GATA4: variants seen among roughly 807,000 people sequenced by gnomAD.
GATA4 encodes the protein transcription factor GATA-4.
In GATA4, 7 loss-of-function variants were observed where a neutral mutation model predicts 37.9. The observed-to-expected ratio is 0.18, with a 90% CI of 0.11 to 0.35. The LOEUF is 0.35. GATA4 is among the 10% of genes least tolerant of loss of function. The probability of loss-of-function intolerance (pLI) is 1.00; values close to 1 mark genes in which losing one functional copy is unlikely to be tolerated. For synonymous variants in GATA4, 372 were observed against 292.6 expected (o/e 1.27, Z -2.77); for missense variants, 647 against 653.0 (o/e 0.99, Z 0.10).
intron 1 of GATA4, among the ~76,000 whole-genome samples, chr8:11,698,177 G>C: frequency 6.6e-6 from 1 of 152,136 alleles, no homozygotes; most frequent in East Asian, 1.9e-4. Context: ...AGGGTCTGTG[G>C]TCTCTCTCCT....
intron 1 of GATA4, among the ~76,000 whole-genome samples, chr8:11,678,303 T>C (rs1012938675): frequency 6.6e-6 from 1 of 152,156 alleles, no homozygotes; most frequent in African/African-American, 2.4e-5. Context: ...TTACAAATAT[T>C]AGCTTTGTGA....
rs1016816819 is a variant in GATA4 at position 11,756,864 on chromosome 8, G to A, written c.1001-71G>A. 4 of 1,608,602 alleles carry A rather than the reference G, an allele frequency of 2.5e-6. No homozygotes were observed. In the African/African-American group the frequency reaches 4.0e-5, roughly 16 times the overall value. On this transcript the variant is annotated intron_variant, in intron 5 of 6. Transcript: ENST00000532059. ...CCATTAGCTTGCACCCATCCCGGCT[G>A]TCTCGCAGGCTGCCGGCTGTTCGTT...
intron 2 of GATA4, among the ~76,000 whole-genome samples, chr8:11,720,219 C>CT (rs1164220910): frequency 6.6e-6 from 1 of 151,846 alleles, no homozygotes; most frequent in African/African-American, 2.4e-5. Flanking sequence ...CTCTACCGCC[C>CT]TTTGGAGATG....
At chr8:11,742,933 C>T (rs952559595) in intron 2 of GATA4, among the ~76,000 whole-genome samples, 11 of 152,234 alleles carry the variant, frequency 7.2e-5, no homozygotes, top group East Asian at 3.9e-4. Context: ...TCCCAGGGAA[C>T]GGTTTCTGGG....
intron 2 of GATA4, among the ~76,000 whole-genome samples, chr8:11,726,147 C>T (rs567447353): frequency 6.6e-6 from 1 of 152,338 alleles, no homozygotes; most frequent in South Asian, 2.1e-4. Context: ...CGGAATCCAT[C>T]CTGAAGCATT....
chr8:11,755,702 T>C (rs973835625), intron 5 of GATA4, among the ~76,000 whole-genome samples: 4 of 152,160 alleles, frequency 2.6e-5, no homozygotes, highest in Non-Finnish European at 5.9e-5. Context: ...TAGAGGACAA[T>C]GATTTAACGA....
At chr8:11,711,963 G>C (rs960088205) in intron 2 of GATA4, among the ~76,000 whole-genome samples, 3 of 152,066 alleles carry the variant, frequency 2.0e-5, no homozygotes, top group Admixed American at 6.6e-5. Context: ...GTGGTGGGAG[G>C]AGCACAGGGT....
chr8:11,690,020 A>T (rs943012683), upstream of GATA4, among the ~76,000 whole-genome samples: 2 of 152,278 alleles, frequency 1.3e-5, no homozygotes, highest in Non-Finnish European at 2.9e-5. Context: ...CTCTTCTGCA[A>T]AATGAGTGGA....
intron 2 of GATA4, 149 bp from the exon 3 acceptor site, chr8:11,748,767 T>A (rs991699173): frequency 2.3e-6 from 2 of 863,206 alleles, no homozygotes; most frequent in Non-Finnish European, 3.9e-6. Context: ...GAAGTCAGAG[T>A]GAGGAAGAGC....
chr8:11,722,074 C>G (rs1298492442), intron 2 of GATA4, among the ~76,000 whole-genome samples: 1 of 152,168 alleles, frequency 6.6e-6, no homozygotes, highest in Non-Finnish European at 1.5e-5. Context: ...TCTCTAACTC[C>G]TGGGCTTAAG....
At chr8:11,726,158 T>G (rs956780275) in intron 2 of GATA4, among the ~76,000 whole-genome samples, 2 of 152,212 alleles carry the variant, frequency 1.3e-5, no homozygotes, top group African/African-American at 4.8e-5. Flanking sequence ...CTGAAGCATT[T>G]GGCAGCTTTG....
chr8:11,748,329 C>G (rs1055889276), intron 2 of GATA4, among the ~76,000 whole-genome samples: 1 of 152,096 alleles, frequency 6.6e-6, no homozygotes, highest in South Asian at 2.1e-4. Context: ...GGGTTCAAGG[C>G]TGGACTGAGT....
Position 11,709,064 on chromosome 8 carries a change from G to C in GATA4, c.616+136G>C. 1.1e-6 allele frequency: 1 copy of C among 948,184 alleles called. No homozygotes were observed. Among genetic ancestry groups the C allele is most frequent in the Non-Finnish European group, 1.5e-6 (1 of 686,742 alleles). The allele number at this position is 948,184 out of a possible 1,614,324, so 58.7% of individuals were successfully genotyped here. A position where few individuals can be genotyped will look rare whatever the true frequency, so the allele number is the denominator to read the frequency against. On this transcript the variant is annotated intron_variant, in intron 2 of 6. Coordinates refer to ENST00000532059, the MANE Select transcript of GATA4 (RefSeq NM_001308093.3). The surrounding 1 kb of genome is among the most constrained non-coding windows in gnomAD (Gnocchi z 4.3). ...GTGCTTCACTACCTCGAGTTTCTAG[G>C]GAAGGCAGAAGCCAGTGCGGGGCTG... is the stretch of plus-strand genomic sequence containing the variant.
intron 2 of GATA4, among the ~76,000 whole-genome samples, chr8:11,742,153 C>G (rs924503892): frequency 6.6e-6 from 1 of 152,138 alleles, no homozygotes; most frequent in East Asian, 1.9e-4. Context: ...CTTAGACCTC[C>G]AGGGAGGAGC....
intron 2 of GATA4, among the ~76,000 whole-genome samples, chr8:11,711,725 G>A (rs1315219680): frequency 1.4e-5 from 2 of 147,518 alleles, no homozygotes. Context: ...TCCAGCCTGG[G>A]TGACAGAGTG....
intron 1 of GATA4, among the ~76,000 whole-genome samples, chr8:11,685,972 G>A (rs947894308): frequency 2.0e-5 from 3 of 152,240 alleles, no homozygotes; most frequent in Non-Finnish European, 4.4e-5. Flanking sequence ...TTGAAGGCAA[G>A]AGAGCCAAAG....
upstream of GATA4, among the ~76,000 whole-genome samples, chr8:11,687,914 G>C (rs1405582503): frequency 6.6e-6 from 1 of 152,090 alleles, no homozygotes; most frequent in Non-Finnish European, 1.5e-5. Flanking sequence ...ATTTGCCAAA[G>C]GTCACTCCAT....
intron 1 of GATA4, among the ~76,000 whole-genome samples, chr8:11,679,742 G>T (rs1290570766): frequency 2.0e-5 from 3 of 152,226 alleles, no homozygotes; most frequent in Admixed American, 6.5e-5. Context: ...CGAACGGAAA[G>T]TGACATTTTT....
At chr8:11,695,413 A>C (rs545059230) in intron 1 of GATA4, among the ~76,000 whole-genome samples, 1 of 152,164 alleles carries the variant, frequency 6.6e-6, no homozygotes, top group Non-Finnish European at 1.5e-5. Flanking sequence ...TCTCAAAAAA[A>C]AAATAAATAA....
Sources: allele counts gnomAD v4.1 joint callset (sites outside exome capture counted in the v4.1 genomes callset), GRCh38; gene constraint gnomAD v4.1.1; non-coding constraint Gnocchi (gnomAD v3.1); transcripts MANE v1.5; gene names NCBI Gene and HGNC (gene_info 2026-07-23, HGNC 2026-07-21).